The following ZNF827 variants were observed in gnomAD, a reference collection of about 807,000 sequenced individuals.
ZNF827 encodes the protein zinc finger protein 827.
A neutral mutation model predicts 102.4 loss-of-function variants in ZNF827; 13 were observed. That is an observed-to-expected ratio of 0.13 (90% CI 0.08 to 0.20). The LOEUF is 0.20. Among genes scored for constraint, ZNF827 ranks in the 10% least tolerant of loss-of-function variants. The pLI is 1.00. For synonymous variants in ZNF827, 523 were observed against 536.2 expected, an observed-to-expected ratio of 0.98 and a Z score of 0.34; for missense variants, 1,103 against 1,344.4, an observed-to-expected ratio of 0.82 and a Z score of 2.81.
At chr4:145,836,913 A>C (rs1579328983) in intron 7 of ZNF827, among the ~76,000 whole-genome samples, 2 of 151,598 alleles carry the variant, frequency 1.3e-5, no homozygotes, top group Middle Eastern at 6.8e-3. Flanking sequence ...TTATTCAGGC[A>C]CCCTCCCTTC....
chr4:145,804,966 T>C (rs1390771616), intron 8 of ZNF827, among the ~76,000 whole-genome samples: 1 of 152,216 alleles, frequency 6.6e-6, no homozygotes, highest in Non-Finnish European at 1.5e-5. Flanking sequence ...GGCTTTAGGA[T>C]TGTAAATCAC....
intron 8 of ZNF827, among the ~76,000 whole-genome samples, chr4:145,806,197 G>A (rs1370125908): frequency 6.8e-6 from 1 of 147,070 alleles, no homozygotes; most frequent in Non-Finnish European, 1.5e-5. Context: ...TGTTGCCCAG[G>A]CTGGAGTGCA....
chr4:145,885,025 G>A (rs767015909), intron 4 of ZNF827, among the ~76,000 whole-genome samples: 1 of 151,722 alleles, frequency 6.6e-6, no homozygotes, highest in Non-Finnish European at 1.5e-5. Context: ...GATGGATGGG[G>A]GTCAATGGTT....
chr4:145,779,210 C>T (rs753505561), intron 9 of ZNF827, among the ~76,000 whole-genome samples, 164 bp downstream of exon 9: 1 of 152,188 alleles, frequency 6.6e-6, no homozygotes, highest in Non-Finnish European at 1.5e-5. Context: ...AATAAAAAAG[C>T]CTTTCCAAGG....
chr4:145,805,040 A>G (rs917702728), intron 8 of ZNF827, among the ~76,000 whole-genome samples: 1 of 152,028 alleles, frequency 6.6e-6, no homozygotes, highest in Non-Finnish European at 1.5e-5. Context: ...TTTTGTATGC[A>G]TCTGTTAGAG....
chr4:145,892,563 G>GTT, intron 2 of ZNF827, 148 bp from the exon 3 acceptor site: 1 of 866,662 alleles, frequency 1.2e-6, no homozygotes, highest in Non-Finnish European at 1.7e-6. Flanking sequence ...CCATAAGAAA[G>GTT]TTTTAGTACT....
intron 8 of ZNF827, among the ~76,000 whole-genome samples, chr4:145,792,494 AG>A (rs1739844005): frequency 6.6e-6 from 1 of 152,102 alleles, no homozygotes; most frequent in South Asian, 2.1e-4. Context: ...CTCACAAACC[AG>A]AAATATATAT....
chr4:145,775,973 G>A lies in ZNF827; in HGVS notation c.2522-13C>T. ...TATTTTCTTTCCTCTGGGGGAGAAG[G>A]AACAGGAAAAAGCCCAAATCGCTTT... is the stretch of plus-strand genomic sequence containing the variant. On this transcript the variant is annotated splice_polypyrimidine_tract_variant and intron_variant, in intron 9 of 14. Transcript: ENST00000508784. 2 of 1,614,030 alleles carry A rather than the reference G, an allele frequency of 1.2e-6. No individual in the cohort carries two copies. The highest frequency in any genetic ancestry group is 1.7e-6 in the Non-Finnish European group (2 of 1,179,978).
At chr4:145,821,507 T>C (rs1743142539) in intron 8 of ZNF827, among the ~76,000 whole-genome samples, 1 of 152,182 alleles carries the variant, frequency 6.6e-6, no homozygotes, top group Non-Finnish European at 1.5e-5. Flanking sequence ...CATTTTAAAT[T>C]TTTTTCTAAT....
At position 145,776,924 on chromosome 4, in the gene ZNF827, A is replaced by G. The variant is rs527873011; in HGVS notation, c.2522-964T>C. The stretch of plus-strand genomic sequence containing the variant: ...CAGAGTGGCATTCTGAATTCGTTTG[A>G]TTAATCAAGCAAATTAAAGTAAAAG... On this transcript the variant is annotated intron_variant, in intron 9 of 14. Transcript: ENST00000508784. 8.5e-5 allele frequency among the ~76,000 whole-genome samples: 13 copies of G among 152,354 alleles called. No individual in the cohort carries two copies. The South Asian group carries it at 2.7e-3, about 32-fold the overall frequency.
intron 1 of ZNF827, among the ~76,000 whole-genome samples, chr4:145,931,914 C>T (rs754628740): frequency 6.6e-6 from 1 of 152,178 alleles, no homozygotes; most frequent in Admixed American, 6.5e-5. Flanking sequence ...TTGGTGTCCC[C>T]CCCAAATTCA....
In ZNF827 at chr4:145,800,938, T is replaced by A. The variant is rs1212616788; in HGVS notation, c.2384-21427A>T. Among the ~76,000 whole-genome samples the A allele has an allele frequency of 5.9e-5, 9 of 152,222 alleles. 1 individual carries two copies. Among genetic ancestry groups the A allele is most frequent in the Non-Finnish European group, 2.9e-5 (2 of 68,040 alleles). On this transcript the variant is annotated intron_variant, in intron 8 of 14. Transcript: ENST00000508784. The stretch of plus-strand genomic sequence containing the variant: ...AAATTCTAGTAGGGATACAGGCAGG[T>A]AGGTCCTTAATGTACTTTGGATGAT...
At chr4:145,823,331 G>A (rs556455618) in intron 8 of ZNF827, 91 bp downstream of exon 8, 73 of 1,082,968 alleles carry the variant, frequency 6.7e-5, no homozygotes, top group East Asian at 3.1e-4. Context: ...AACTACATCC[G>A]TAAGCTGAAA....
Position 145,823,530 on chromosome 4 carries a change from G to A in ZNF827, c.2280-5C>T. ...GTGTCTTCTGAAAAGAAAGGGCTGG[G>A]GTGGGGGAGGGGGAGTGAAGTTTAG... On this transcript the variant is annotated splice_polypyrimidine_tract_variant and splice_region_variant and intron_variant, in intron 7 of 14. Transcript: ENST00000508784. The A allele has an allele frequency of 6.3e-7, 1 of 1,593,630 alleles. No homozygotes were observed. Among genetic ancestry groups the A allele is most frequent in the Non-Finnish European group, 8.6e-7 (1 of 1,161,686 alleles).
At chr4:145,860,712 T>C (rs1747628724) in intron 5 of ZNF827, among the ~76,000 whole-genome samples, 1 of 152,028 alleles carries the variant, frequency 6.6e-6, no homozygotes, top group African/African-American at 2.4e-5. Context: ...TGGCTTAAAA[T>C]GGGAAAAACG....
Position 145,885,749 on chromosome 4 carries a change from T to C in ZNF827, c.1676A>G (p.Asn559Ser). ...CTGGCTGAACAATGCTGACGCACTG[T>C]TGGCCACATACTCGGAGGGGTCTTT... ...KLKDPSEYVA[N>S]SASALFSQDI... The change falls in exon 4 of 15, where the codon AAC (asparagine) becomes AGC (serine). Residue 559 changes from asparagine to serine, a missense_variant. Coordinates refer to ENST00000508784, the MANE Select transcript of ZNF827 (RefSeq NM_001306215.2). The C allele has an allele frequency of 6.3e-7, 1 of 1,597,258 alleles. No individual in the cohort carries two copies. The highest frequency in any genetic ancestry group is 8.5e-7 in the Non-Finnish European group (1 of 1,171,662).
intron 2 of ZNF827, among the ~76,000 whole-genome samples, chr4:145,895,621 T>C (rs1750917830): frequency 1.3e-5 from 2 of 152,248 alleles, no homozygotes; most frequent in South Asian, 2.1e-4. Flanking sequence ...CGAAGTACCA[T>C]GACTGATTTT....
At position 145,775,911 on chromosome 4, in the gene ZNF827, A is replaced by G. The variant is rs6818581; in HGVS notation, c.2571T>C (p.Arg857=). The G allele has an allele frequency of 0.01, 16,347 of 1,614,154 alleles. 88 individuals carry two copies. Among genetic ancestry groups the G allele is most frequent in the Non-Finnish European group, 0.013 (14,795 of 1,180,028 alleles). Residue 857 remains arginine, a synonymous_variant, in exon 10 of 15, where the codon CGT becomes CGC. Transcript: ENST00000508784. ...CHLCPYAAKC[R]ANLNQHLTVH... Reference sequence around the variant, plus strand: ...CGGTCAAGTGCTGGTTCAGATTTGCACGGCACTTAGCAGCATAGGGGCACA... The same window carrying G: ...CGGTCAAGTGCTGGTTCAGATTTGCGCGGCACTTAGCAGCATAGGGGCACA...
chr4:145,885,950 C>T lies in ZNF827; in HGVS notation c.1475G>A (p.Gly492Glu). 6.2e-7 allele frequency: 1 copy of T among 1,614,168 alleles called. No homozygotes were observed. ...GGTCCCCACTAGCTCTGTCCCTCCT[C>T]CTTCCCTTTGCTGCCCCAGGCAGGC... is the stretch of plus-strand genomic sequence containing the variant. ...DSACLGQQREGGGTELVGTMM... is the reference protein window; with the variant it reads ...DSACLGQQREEGGTELVGTMM... The change falls in exon 4 of 15, where the codon GGA becomes GAA. Residue 492 changes from glycine (G) to glutamate (E), a missense_variant. Physicochemically the swap from Gly to Glu is moderately conservative, Grantham distance 98. Transcript: ENST00000508784.
Sources: gnomAD v4.1 joint callset for allele counts (sites outside exome capture counted in the v4.1 genomes callset) on GRCh38, gnomAD v4.1.1 for gene constraint, MANE v1.5 for transcripts, NCBI Gene and HGNC (gene_info 2026-07-23, HGNC 2026-07-21) for gene names.